CIITA: variants seen among roughly 807,000 people sequenced by gnomAD.
CIITA encodes class II major histocompatibility complex transactivator, also known as MHC class II transactivator.
A neutral mutation model predicts 115.1 loss-of-function variants in CIITA; 72 were observed. The ratio of observed to expected loss-of-function variants is 0.63; its 90% CI spans 0.52 to 0.76. The LOEUF (loss-of-function observed/expected upper bound fraction) is 0.76. Ranked by LOEUF, CIITA falls within the 30% of genes least tolerant of loss-of-function variation. The probability of loss-of-function intolerance (pLI) is 0.00; values close to 1 mark genes in which losing one functional copy is unlikely to be tolerated. For synonymous variants in CIITA, 763 were observed against 635.6 expected (o/e 1.20, Z -3.02); for missense variants, 1,617 against 1,463.8 (o/e 1.10, Z -1.71).
At chr16:10,912,510 C>T (rs565954727) in intron 13 of CIITA, among the ~76,000 whole-genome samples, 5 of 152,272 alleles carry the variant, frequency 3.3e-5, no homozygotes, top group Non-Finnish European at 5.9e-5. Context: ...GATGAGGAGA[C>T]GGAGGCCTGG....
intron 13 of CIITA, among the ~76,000 whole-genome samples, chr16:10,911,390 C>CTT (rs2039566357): frequency 1.0e-5 from 1 of 97,460 alleles, no homozygotes; most frequent in African/African-American, 3.6e-5. Context: ...TTCTCTCTCT[C>CTT]TCTCCCTTCC....
At chr16:10,914,517 C>G (rs945835442) in intron 13 of CIITA, among the ~76,000 whole-genome samples, 4 of 152,184 alleles carry the variant, frequency 2.6e-5, no homozygotes, top group African/African-American at 7.2e-5. Context: ...AAAGAATGAT[C>G]ATTCTAATAT....
chr16:10,903,318 C>T (rs2038917355), intron 8 of CIITA, among the ~76,000 whole-genome samples: 1 of 152,190 alleles, frequency 6.6e-6, no homozygotes, highest in African/African-American at 2.4e-5. Flanking sequence ...TTTGGGCTGT[C>T]AGGGATGAGA....
chr16:10,910,274 G>A lies in CIITA; in HGVS notation c.2888+15G>A, dbSNP rs2039469952. On this transcript the variant is annotated intron_variant, in intron 13 of 19. Coordinates refer to ENST00000324288, the MANE Select transcript of CIITA (RefSeq NM_000246.4). ...CTGGAGTTTGCGTAAGCAAAGGGGT[G>A]GATTGTCTTGTGGGTCTGCGCAAGG... 1.2e-6 allele frequency: 2 copies of A among 1,612,362 alleles called. No individual in the cohort carries two copies. Among genetic ancestry groups the A allele is most frequent in the Non-Finnish European group, 1.7e-6 (2 of 1,178,778 alleles).
At chr16:10,904,904 C>T in intron 10 of CIITA, 92 bp downstream of exon 10, 1 of 1,312,636 alleles carries the variant, frequency 7.6e-7, no homozygotes, top group East Asian at 2.3e-5. Flanking sequence ...CTTATTCAAC[C>T]CCTTCTTTGT....
intron 18 of CIITA, chr16:10,922,819 G>T (rs1653703587): frequency 1.7e-5 from 9 of 515,736 alleles, no homozygotes; most frequent in South Asian, 2.2e-5. Flanking sequence ...CTGTAAAATT[G>T]GCAATTTCAT....
chr16:10,907,875 C>A lies in CIITA; in HGVS notation c.2383C>A (p.Arg795=), dbSNP rs1253384874. The stretch of plus-strand genomic sequence containing the variant: ...GAAGGTGCTTGCGAGGTACCTGAAG[C>A]GGCTGCAGCCGGGGACACTGCGGGC... ...KQKVLARYLK[R]LQPGTLRARQ... is the part of the protein sequence containing the mutation. Residue 795 remains arginine, a synonymous_variant, in exon 11 of 20, where the codon CGG becomes AGG. Coordinates refer to ENST00000324288, the MANE Select transcript of CIITA (RefSeq NM_000246.4). This position sits in a 1 kb window ranked among gnomAD's most constrained non-coding sequence, Gnocchi z 5.0. 1 of 1,605,520 alleles carries A rather than the reference C, an allele frequency of 6.2e-7. No homozygotes were observed. Among genetic ancestry groups the A allele is most frequent in the Non-Finnish European group, 8.5e-7 (1 of 1,175,462 alleles).
At chr16:10,871,297 A>G (rs1029906076) in intron 1 of CIITA, among the ~76,000 whole-genome samples, 2 of 152,182 alleles carry the variant, frequency 1.3e-5, no homozygotes, top group African/African-American at 2.4e-5. Context: ...CCCAACGTGC[A>G]TGGTGGAAAG....
intron 13 of CIITA, among the ~76,000 whole-genome samples, chr16:10,913,221 G>A (rs1242852296): frequency 6.6e-6 from 1 of 152,138 alleles, no homozygotes; most frequent in Non-Finnish European, 1.5e-5. Context: ...TCTTTACTCA[G>A]TGAGGCCTTT....
Position 10,895,315 on chromosome 16 carries a change from C to T in CIITA, c.86C>T (p.Pro29Leu), listed in dbSNP as rs1172384411. 2.5e-6 allele frequency: 4 copies of T among 1,614,024 alleles called. No homozygotes were observed. Among genetic ancestry groups the T allele is most frequent in the Admixed American group, 3.3e-5 (2 of 60,010 alleles). The change falls in exon 2 of 20, where the codon CCC (proline) becomes CTC (leucine). Residue 29 changes from proline to leucine, a missense_variant. By Grantham distance (98) the Pro-to-Leu change is moderately conservative. Transcript: ENST00000324288. ...CAGTGTGCCACCATGGAGTTGGGGC[C>T]CCTAGAAGGTGGCTACCTGGAGCTT... The part of the protein sequence containing the change: ...SSQCATMELG[P>L]LEGGYLELLN...
In CIITA at chr16:10,922,226, A is replaced by T. The variant is rs1256538609; in HGVS notation, c.3209A>T (p.Asp1070Val). 1 of 1,614,176 alleles carries T rather than the reference A, an allele frequency of 6.2e-7. No individual in the cohort carries two copies. Among genetic ancestry groups the T allele is most frequent in the South Asian group, 1.1e-5 (1 of 91,086 alleles). ...GAGAGCTTGGCTCGTGTGCTTCCGG[A>T]CATGGTGTCCCTCCGGGTGATGGAG... ...GAESLARVLPDMVSLRVMDVQ... is the reference protein window; with the variant it reads ...GAESLARVLPVMVSLRVMDVQ... The change falls in exon 17 of 20, where the codon GAC becomes GTC. Residue 1070 changes from aspartate (D) to valine (V), a missense_variant. By Grantham distance (152) the Asp-to-Val change is radical. Coordinates refer to ENST00000324288, the MANE Select transcript of CIITA (RefSeq NM_000246.4).
chr16:10,908,346 G>A (rs1362297596), intron 11 of CIITA, 197 bp downstream of exon 11: 35 of 720,036 alleles, frequency 4.9e-5, no homozygotes, highest in Non-Finnish European at 7.4e-5. Flanking sequence ...CAAGTGAGAG[G>A]CAATGGCATT....
chr16:10,882,469 C>T (rs2036525306), intron 1 of CIITA, among the ~76,000 whole-genome samples: 1 of 152,188 alleles, frequency 6.6e-6, no homozygotes, highest in South Asian at 2.1e-4. Flanking sequence ...TGGCTCATGC[C>T]TGTAATTCCA....
chr16:10,882,709 G>A (rs11074933), intron 1 of CIITA, among the ~76,000 whole-genome samples: 43,125 of 152,070 alleles, frequency 0.28, 6,539 homozygotes, highest in East Asian at 0.56. Flanking sequence ...ACCAGCCTGG[G>A]CAACATGGTG....
chr16:10,911,356 CTT>C (rs2039559921), intron 13 of CIITA, among the ~76,000 whole-genome samples: 3 of 89,122 alleles, frequency 3.4e-5, no homozygotes, highest in African/African-American at 1.3e-4. Context: ...TCTTCTTTTT[CTT>C]TCTCTCTGTT....
rs141006925 is a variant in CIITA, at chr16:10,907,048, C to T, written c.1556C>T (p.Pro519Leu). 140 of 1,607,270 alleles carry T rather than the reference C, an allele frequency of 8.7e-5. No individual in the cohort carries two copies. The highest frequency in any genetic ancestry group is 9.9e-5 in the Non-Finnish European group (117 of 1,179,968). ...GFLHSTCGPA[P>L]AEPCSLRGLL... is the part of the protein sequence containing the mutation. Reference sequence around the variant, plus strand: ...CTGCACAGCACGTGCGGACCGGCACCGGCGGAGCCCTGCTCCCTCCGGGGG... The same window carrying T: ...CTGCACAGCACGTGCGGACCGGCACTGGCGGAGCCCTGCTCCCTCCGGGGG... Residue 519 changes from proline (P) to leucine (L), a missense_variant, in exon 11 of 20, where the codon CCG (proline) becomes CTG (leucine). By Grantham distance (98) the Pro-to-Leu change is moderately conservative. Transcript: ENST00000324288. The surrounding 1 kb of genome is among the most constrained non-coding windows in gnomAD (Gnocchi z 5.0).
chr16:10,899,907 G>A (rs555081481), intron 5 of CIITA, among the ~76,000 whole-genome samples: 13 of 151,952 alleles, frequency 8.6e-5, no homozygotes, highest in African/African-American at 2.2e-4. Flanking sequence ...TGGTGAAACC[G>A]CGTCTCTACC....
intron 9 of CIITA, among the ~76,000 whole-genome samples, chr16:10,904,200 T>G (rs1018093949): frequency 2.0e-5 from 3 of 152,126 alleles, no homozygotes; most frequent in Admixed American, 1.3e-4. Context: ...ACATAGATAT[T>G]GTGATTTTTT....
In CIITA at chr16:10,899,016, T is replaced by C. The variant is rs1423511157; in HGVS notation, c.436+14T>C. 1.9e-6 allele frequency: 3 copies of C among 1,613,442 alleles called. No homozygotes were observed. The highest frequency in any genetic ancestry group is 1.7e-6 in the Non-Finnish European group (2 of 1,179,578). ...GTCAGAAAAGACGTGAGTGAGCCCC[T>C]CCCTGATCCAACCTAGCCTTGCTTG... is the stretch of plus-strand genomic sequence containing the variant. On this transcript the variant is annotated intron_variant, in intron 5 of 19. Coordinates refer to ENST00000324288, the MANE Select transcript of CIITA (RefSeq NM_000246.4).
Sources: gnomAD v4.1 joint callset for allele counts (sites outside exome capture counted in the v4.1 genomes callset) on GRCh38, gnomAD v4.1.1 for gene constraint, Gnocchi (gnomAD v3.1) non-coding constraint, MANE v1.5 for transcripts, NCBI Gene and HGNC (gene_info 2026-07-23, HGNC 2026-07-21) for gene names.